The following ALOX5 variants were observed in gnomAD, a reference collection of about 807,000 sequenced individuals.
The protein encoded by ALOX5 is arachidonate 5-lipoxygenase.
Under a neutral mutation model 87.9 loss-of-function variants are expected in ALOX5, and 64 were observed. The ratio of observed to expected loss-of-function variants is 0.73; its 90% confidence interval spans 0.60 to 0.90. The LOEUF (loss-of-function observed/expected upper bound fraction) is 0.90, where lower values mean the gene tolerates loss of function less well. ALOX5 is among the 40% of genes least tolerant of loss of function. The pLI, the probability that ALOX5 is intolerant of heterozygous loss-of-function variation, is 0.00. For missense variants in ALOX5, 822 were observed against 907.5 expected (o/e 0.91, Z 1.21); for synonymous variants, 388 against 355.1 (o/e 1.09, Z -1.04).
chr10:45,423,373 G>A (rs1275415721), intron 4 of ALOX5, among the ~76,000 whole-genome samples: 3 of 152,220 alleles, frequency 2.0e-5, no homozygotes, highest in African/African-American at 4.8e-5. Context: ...CCACGCTCCT[G>A]TCCTGCACTC....
At chr10:45,434,270 T>C (rs1200485439) in intron 7 of ALOX5, among the ~76,000 whole-genome samples, 1 of 152,206 alleles carries the variant, frequency 6.6e-6, no homozygotes, top group Admixed American at 6.5e-5. Context: ...TGAAACTGTC[T>C]GAGGAACAGT....
chr10:45,423,579 G>C (rs1359763264), intron 4 of ALOX5, among the ~76,000 whole-genome samples: 1 of 152,206 alleles, frequency 6.6e-6, no homozygotes, highest in African/African-American at 2.4e-5. Context: ...CCTGTGCAGT[G>C]AGCATTTGGA....
At chr10:45,389,360 T>C (rs1564415021) in intron 2 of ALOX5, among the ~76,000 whole-genome samples, 1 of 152,096 alleles carries the variant, frequency 6.6e-6, no homozygotes, top group Non-Finnish European at 1.5e-5. Flanking sequence ...AAGATACTCC[T>C]TGAGAAGAGC....
rs549804561 is a variant in ALOX5 at position 45,392,063 on chromosome 10, C to A, written c.350-3792C>A. On this transcript the variant is annotated intron_variant, in intron 2 of 13. Coordinates refer to ENST00000374391, the MANE Select transcript of ALOX5 (RefSeq NM_000698.5). ...GGGTTCAGCCCCCCGCCCGGCCAGC[C>A]GCCCCGTCCGAGAGGGAGGTGGGGG... 5.3e-4 allele frequency among the ~76,000 whole-genome samples: 80 copies of A among 151,456 alleles called. 1 individual carries two copies. In the Middle Eastern group the frequency reaches 0.017, roughly 32 times the overall value.
At chr10:45,394,588 A>C (rs1426284198) in intron 2 of ALOX5, among the ~76,000 whole-genome samples, 2 of 152,256 alleles carry the variant, frequency 1.3e-5, no homozygotes, top group Non-Finnish European at 2.9e-5. Context: ...TGGCAACAAA[A>C]GCCAAAATGG....
intron 9 of ALOX5, among the ~76,000 whole-genome samples, chr10:45,442,025 T>C (rs1382801614): frequency 6.6e-6 from 1 of 152,138 alleles, no homozygotes; most frequent in Non-Finnish European, 1.5e-5. Context: ...AGATGACCAC[T>C]GAAGTTGAGA....
intron 1 of ALOX5, among the ~76,000 whole-genome samples, chr10:45,377,815 C>T (rs1350922008): frequency 6.6e-6 from 1 of 152,240 alleles, no homozygotes; most frequent in Non-Finnish European, 1.5e-5. Flanking sequence ...GAAAACTTTC[C>T]TAAAATGCTG....
chr10:45,434,800 G>A (rs960902439), intron 7 of ALOX5, among the ~76,000 whole-genome samples: 40 of 152,212 alleles, frequency 2.6e-4, no homozygotes, highest in Non-Finnish European at 5.9e-5. Flanking sequence ...ATCATATTCA[G>A]TTGATGGAAA....
At chr10:45,394,903 G>A (rs1315250579) in intron 2 of ALOX5, among the ~76,000 whole-genome samples, 1 of 152,208 alleles carries the variant, frequency 6.6e-6, no homozygotes, top group Non-Finnish European at 1.5e-5. Flanking sequence ...AAACCATAAT[G>A]ATATACCATC....
At chr10:45,389,653 T>C (rs1167557775) in intron 2 of ALOX5, among the ~76,000 whole-genome samples, 3 of 152,238 alleles carry the variant, frequency 2.0e-5, no homozygotes, top group Admixed American at 1.3e-4. Flanking sequence ...TGAGAGATTT[T>C]GTCACCACCA....
chr10:45,395,959 G>A, intron 3 of ALOX5, 23 bp downstream of exon 3: 1 of 1,607,830 alleles, frequency 6.2e-7, no homozygotes, highest in Non-Finnish European at 8.5e-7. Context: ...ATCAGATCGA[G>A]TGGCCACGGG....
intron 7 of ALOX5, among the ~76,000 whole-genome samples, chr10:45,439,433 C>A (rs61854093): frequency 0.21 from 32,622 of 152,152 alleles, 3,963 homozygotes; most frequent in African/African-American, 0.33. Flanking sequence ...TTGGCTGCAG[C>A]CCTGCCACCC....
chr10:45,424,094 A>G lies in ALOX5; in HGVS notation c.608A>G (p.Asn203Ser). 1.2e-6 allele frequency: 2 copies of G among 1,614,226 alleles called. No individual in the cohort carries two copies. Among genetic ancestry groups the G allele is most frequent in the Non-Finnish European group, 1.7e-6 (2 of 1,180,042 alleles). The stretch of plus-strand genomic sequence containing the variant: ...ATGCACATGTTCCAGTCTTCTTGGA[A>G]TGACTTCGCCGACTTTGAGAAAATC... Reference protein sequence around the residue: ...RFMHMFQSSWNDFADFEKIFV... With the variant: ...RFMHMFQSSWSDFADFEKIFV... The change falls in exon 5 of 14, where the codon AAT becomes AGT. Residue 203 changes from asparagine to serine, a missense_variant. Coordinates refer to ENST00000374391, the MANE Select transcript of ALOX5 (RefSeq NM_000698.5).
At chr10:45,397,886 A>G (rs1395542509) in intron 3 of ALOX5, among the ~76,000 whole-genome samples, 1 of 152,240 alleles carries the variant, frequency 6.6e-6, no homozygotes, top group Non-Finnish European at 1.5e-5. Flanking sequence ...GAATCAGAGG[A>G]CTTAATTTTG....
At chr10:45,391,871 C>T (rs1360697886) in intron 2 of ALOX5, among the ~76,000 whole-genome samples, 3 of 140,524 alleles carry the variant, frequency 2.1e-5, no homozygotes, top group African/African-American at 8.1e-5. Flanking sequence ...AGTGAGGAGC[C>T]CCTCCGCCCG....
intron 2 of ALOX5, among the ~76,000 whole-genome samples, chr10:45,394,010 CAT>C (rs1840401625): frequency 6.6e-6 from 1 of 152,162 alleles, no homozygotes; most frequent in African/African-American, 2.4e-5. Flanking sequence ...GAATGAATAT[CAT>C]AAAAATGGCC....
chr10:45,376,807 A>C (rs1001145998), intron 1 of ALOX5, among the ~76,000 whole-genome samples: 49 of 152,296 alleles, frequency 3.2e-4, no homozygotes, highest in African/African-American at 1.1e-3. Context: ...ATAGTGATTC[A>C]GTCAGGACTG....
chr10:45,405,944 C>A lies in ALOX5; in HGVS notation c.432-6247C>A, dbSNP rs940301593. Among the ~76,000 whole-genome samples the A allele has an allele frequency of 5.3e-5, 8 of 152,230 alleles. No individual in the cohort carries two copies. In the South Asian group the frequency reaches 1.7e-3, roughly 32 times the overall value. On this transcript the variant is annotated intron_variant, in intron 3 of 13. Coordinates refer to ENST00000374391, the MANE Select transcript of ALOX5 (RefSeq NM_000698.5). ...CATACATACCTGGGTGGAACTCTCC[C>A]GGTAGCATTCGTTCCTGACTTGGAT...
chr10:45,376,217 G>A lies in ALOX5; in HGVS notation c.150+1788G>A, dbSNP rs368624468. On this transcript the variant is annotated intron_variant, in intron 1 of 13. Coordinates refer to ENST00000374391, the MANE Select transcript of ALOX5 (RefSeq NM_000698.5). ...GGTCTGTCTTCCCCTACCCTGAGAA[G>A]TCATTCAAATGACATTATAATTAAA... Among the ~76,000 whole-genome samples, 95 of 150,484 alleles carry A rather than the reference G, an allele frequency of 6.3e-4. 2 individuals are homozygous for A. Among genetic ancestry groups the A allele is most frequent in the African/African-American group, 1.9e-3 (77 of 40,914 alleles).
Sources: allele counts gnomAD v4.1 joint callset (sites outside exome capture counted in the v4.1 genomes callset), GRCh38; gene constraint gnomAD v4.1.1; transcripts MANE v1.5; gene names NCBI Gene and HGNC (gene_info 2026-07-23, HGNC 2026-07-21).